The following ANO10 variants were observed in gnomAD, a reference collection of about 807,000 sequenced individuals.
ANO10 encodes anoctamin-10.
A neutral mutation model predicts 74.7 loss-of-function variants in ANO10; 77 were observed. The observed-to-expected ratio is 1.03, with a 90% CI of 0.86 to 1.25. ANO10 has a LOEUF of 1.25. Ranked by LOEUF, ANO10 falls within the 50% of genes most tolerant of loss-of-function variation. The pLI is 0.00. For synonymous variants in ANO10, 279 were observed against 284.9 expected (o/e 0.98, Z 0.21); for missense variants, 721 against 778.1 (o/e 0.93, Z 0.87).
chr3:43,395,696 C>T lies in ANO10; in HGVS notation c.1915-28722G>A, dbSNP rs143366242. 7.3e-4 allele frequency among the ~76,000 whole-genome samples: 110 copies of T among 151,160 alleles called. No homozygotes were observed. In the East Asian group the frequency reaches 0.016, roughly 21 times the overall value. On this transcript the variant is annotated intron_variant, in intron 12 of 12. Coordinates refer to ENST00000292246, the MANE Select transcript of ANO10 (RefSeq NM_018075.5). ...CAAGTAGTCTTCCAATTGTGTTCTT[C>T]TTTTTAAAAGCTTTGGCTATTCTAG...
intron 11 of ANO10, among the ~76,000 whole-genome samples, chr3:43,499,047 G>A (rs1329765549): frequency 2.0e-5 from 3 of 152,148 alleles, no homozygotes; most frequent in African/African-American, 7.2e-5. Flanking sequence ...AAAACCTGGG[G>A]ATTACATTGA....
intron 11 of ANO10, among the ~76,000 whole-genome samples, chr3:43,455,566 T>C (rs2075087713): frequency 6.6e-6 from 1 of 152,098 alleles, no homozygotes. Flanking sequence ...GTAAATCAAC[T>C]AGTTAGCAGG....
At chr3:43,582,965 C>T (rs139731010) in intron 4 of ANO10, among the ~76,000 whole-genome samples, 89 of 152,296 alleles carry the variant, frequency 5.8e-4, no homozygotes, top group African/African-American at 2.1e-3. Flanking sequence ...CCTATCACTA[C>T]TCTTGTAAAT....
chr3:43,565,245 G>GCAT (rs1374134941), intron 8 of ANO10, among the ~76,000 whole-genome samples: 1 of 152,128 alleles, frequency 6.6e-6, no homozygotes, highest in Admixed American at 6.6e-5. Flanking sequence ...ATACAGCACT[G>GCAT]CATAGGATCC....
intron 3 of ANO10, among the ~76,000 whole-genome samples, chr3:43,599,616 T>A (rs1397354735): frequency 6.6e-6 from 1 of 152,136 alleles, no homozygotes; most frequent in Non-Finnish European, 1.5e-5. Flanking sequence ...TTAGAAAATA[T>A]AATACTTGGC....
At chr3:43,473,021 T>C (rs1035240321) in intron 11 of ANO10, among the ~76,000 whole-genome samples, 1 of 26,972 alleles carries the variant, frequency 3.7e-5, no homozygotes, top group Non-Finnish European at 1.4e-4. Flanking sequence ...CATACAACTA[T>C]TCACTGAACT....
intron 1 of ANO10, among the ~76,000 whole-genome samples, chr3:43,642,903 T>C (rs1328273343): frequency 6.6e-6 from 1 of 152,208 alleles, no homozygotes; most frequent in Non-Finnish European, 1.5e-5. Context: ...GTACTGCAGT[T>C]TATTTACAGC....
intron 11 of ANO10, among the ~76,000 whole-genome samples, chr3:43,447,581 GAAGA>G (rs2093266397): frequency 6.6e-6 from 1 of 152,194 alleles, no homozygotes; most frequent in African/African-American, 2.4e-5. Flanking sequence ...GAAGAAAGAA[GAAGA>G]AAGACACTGA....
intron 12 of ANO10, chr3:43,372,966 C>G: frequency 1.0e-6 from 1 of 1,000,844 alleles, no homozygotes; most frequent in South Asian, 1.7e-5. Flanking sequence ...TCTCATGTAA[C>G]ACATATTCAA....
intron 12 of ANO10, among the ~76,000 whole-genome samples, chr3:43,413,261 A>G (rs1040829903): frequency 9.2e-5 from 14 of 152,094 alleles, no homozygotes; most frequent in African/African-American, 3.4e-4. Flanking sequence ...TTCTAGTTCA[A>G]TTTAAGAGCG....
chr3:43,485,155 T>C, intron 11 of ANO10: 3 of 759,246 alleles, frequency 4.0e-6, no homozygotes, highest in Non-Finnish European at 6.9e-6. Flanking sequence ...GAGTGGGCCC[T>C]GGCGCGGTAG....
At chr3:43,419,311 G>A (rs1000078358) in intron 12 of ANO10, among the ~76,000 whole-genome samples, 3 of 152,150 alleles carry the variant, frequency 2.0e-5, no homozygotes, top group Non-Finnish European at 2.9e-5. Context: ...ACTCCACAAG[G>A]GCATAAATAC....
chr3:43,613,607 ATT>A (rs2149520719), intron 1 of ANO10, among the ~76,000 whole-genome samples: 1 of 152,328 alleles, frequency 6.6e-6, no homozygotes, highest in Non-Finnish European at 1.5e-5. Context: ...AAGTAAATCT[ATT>A]GGGCGAGAAT....
At chr3:43,510,462 TAC>T (rs1218992062) in intron 11 of ANO10, among the ~76,000 whole-genome samples, 1 of 141,786 alleles carries the variant, frequency 7.1e-6, no homozygotes, top group Non-Finnish European at 1.5e-5. Flanking sequence ...TAAACACAAA[TAC>T]ACACACACAA....
chr3:43,654,270 T>C (rs946392076), intron 1 of ANO10, among the ~76,000 whole-genome samples: 7 of 152,148 alleles, frequency 4.6e-5, no homozygotes, highest in African/African-American at 1.7e-4. Context: ...AGGATGGAAA[T>C]AGGAAATGGC....
intron 11 of ANO10, among the ~76,000 whole-genome samples, chr3:43,489,366 C>T (rs1272973138): frequency 6.6e-6 from 1 of 152,066 alleles, no homozygotes; most frequent in South Asian, 2.1e-4. Flanking sequence ...TTTTTGGCCA[C>T]TCTCTGAGCC....
chr3:43,449,515 C>CTTTTTTTTTTTTTTTTTTTTTTTT (rs61265406), intron 11 of ANO10, among the ~76,000 whole-genome samples: 2 of 107,124 alleles, frequency 1.9e-5, no homozygotes, highest in Non-Finnish European at 1.8e-5. Flanking sequence ...TATCTAGATT[C>CTTTTTTTTTTTTTTTTTTTTTTTT]TTTTTTTTTT....
At position 43,576,869 on chromosome 3, in the gene ANO10, A is replaced by C; in HGVS notation, c.985T>G (p.Ser329Ala). 1 of 1,614,202 alleles carries C rather than the reference A, an allele frequency of 6.2e-7. No homozygotes were observed. The highest frequency in any genetic ancestry group is 8.5e-7 in the Non-Finnish European group (1 of 1,180,034). The change falls in exon 6 of 13, where the codon TCA (serine) becomes GCA (alanine). Residue 329 changes from serine to alanine, a missense_variant. By Grantham distance (99) the Ser-to-Ala change is moderately conservative. Coordinates refer to ENST00000292246, the MANE Select transcript of ANO10 (RefSeq NM_018075.5). ...LPFVCLCLYFSLYVMMIYFDM... is the reference protein window; with the variant it reads ...LPFVCLCLYFALYVMMIYFDM... ...AAGTAAATCATCATGACATACAGTG[A>C]GAAATAGAGGCAGAGGCACACGAAT...
chr3:43,480,419 A>G (rs1311923820), intron 11 of ANO10, among the ~76,000 whole-genome samples: 1 of 152,368 alleles, frequency 6.6e-6, no homozygotes, highest in East Asian at 1.9e-4. Context: ...AGGGATAAAG[A>G]GAAGACTGTG....
Sources: gnomAD v4.1 joint callset for allele counts (sites outside exome capture counted in the v4.1 genomes callset) on GRCh38, gnomAD v4.1.1 for gene constraint, MANE v1.5 for transcripts, NCBI Gene and HGNC (gene_info 2026-07-23, HGNC 2026-07-21) for gene names.